PNKD: variants seen among roughly 807,000 people sequenced by gnomAD.
The protein encoded by PNKD is PNKD metallo-beta-lactamase domain containing.
In PNKD, 36 loss-of-function variants were observed where a neutral mutation model predicts 45.3. The observed-to-expected ratio is 0.80, with a 90% CI of 0.61 to 1.05. The LOEUF is 1.05. Among genes scored for constraint, PNKD ranks in the 50% least tolerant of loss-of-function variants. The pLI, the probability that PNKD is intolerant of heterozygous loss-of-function variation, is 0.00. For missense variants in PNKD, 511 were observed against 506.6 expected (o/e 1.01, Z -0.08); for synonymous variants, 197 against 210.1 (o/e 0.94, Z 0.54).
At position 218,345,242 on chromosome 2, in the gene PNKD, C is replaced by G; in HGVS notation, c.*261C>G. The G allele has an allele frequency of 2.1e-6, 1 of 473,166 alleles. No individual in the cohort carries two copies. Among genetic ancestry groups the G allele is most frequent in the South Asian group, 3.2e-5 (1 of 31,568 alleles). 29.3% of individuals were successfully genotyped at this position (473,166 alleles called of 1,614,324 possible). The stretch of plus-strand genomic sequence containing the variant: ...GAGGAAAGGAGGGGTCTCGGGACAT[C>G]TCCAGACCCTACCAACTGGGAGGGT... On this transcript the variant is annotated 3_prime_UTR_variant, in exon 10 of 10. Transcript: ENST00000273077.
At chr2:218,296,831 C>T (rs1391042613) in intron 2 of PNKD, among the ~76,000 whole-genome samples, 2 of 152,136 alleles carry the variant, frequency 1.3e-5, no homozygotes, top group African/African-American at 4.8e-5. Context: ...GCGCCCACCA[C>T]AATGCCCAGC....
intron 2 of PNKD, among the ~76,000 whole-genome samples, chr2:218,319,765 A>C (rs974579173): frequency 6.6e-6 from 1 of 152,264 alleles, no homozygotes; most frequent in Non-Finnish European, 1.5e-5. Flanking sequence ...TGTGACCATC[A>C]AAAATGTCCC....
chr2:218,333,466 T>C (rs551256885), intron 2 of PNKD, among the ~76,000 whole-genome samples: 1 of 152,300 alleles, frequency 6.6e-6, no homozygotes, highest in South Asian at 2.1e-4. Context: ...CTGGCTGAAT[T>C]TGGGAAGGAA....
At chr2:218,323,575 C>A in intron 2 of PNKD, 1 of 668,036 alleles carries the variant, frequency 1.5e-6, no homozygotes, top group Non-Finnish European at 2.2e-6. Context: ...AGGAGACGGA[C>A]TGGAGAAGCC....
rs574093604 is a variant in PNKD, at chr2:218,326,449, T to G, written c.237-13334T>G. Among the ~76,000 whole-genome samples the G allele has an allele frequency of 7.2e-4, 110 of 152,272 alleles. 1 individual carries two copies. The highest frequency in any genetic ancestry group is 1.1e-3 in the Non-Finnish European group (77 of 68,012). On this transcript the variant is annotated intron_variant, in intron 2 of 9. Coordinates refer to ENST00000273077, the MANE Select transcript of PNKD (RefSeq NM_015488.5). The surrounding 1 kb of genome is among the most constrained non-coding windows in gnomAD (Gnocchi z 4.1). ...GAACAAATCTGCTTTTGCATCCTAG[T>G]TTTGTTGCTTAGTAGCCATGTGACC...
Position 218,340,942 on chromosome 2 carries a change from G to GT in PNKD, c.524+156_524+157insT. The GT allele has an allele frequency of 1.4e-6, 1 of 703,596 alleles. No homozygotes were observed. The highest frequency in any genetic ancestry group is 2.6e-6 in the Non-Finnish European group (1 of 385,390). The allele number at this position is 703,596 out of a possible 1,614,324, so 43.6% of individuals were successfully genotyped here. On this transcript the variant is annotated intron_variant, in intron 5 of 9. Transcript: ENST00000273077. This position sits in a 1 kb window ranked among gnomAD's most constrained non-coding sequence, Gnocchi z 4.2. The stretch of plus-strand genomic sequence containing the variant: ...CACCTGGACACCAGCAGGGAGGGAG[G>GT]AGAGGGGACAGTCTCCCACCACTCC...
chr2:218,307,197 G>A (rs1385437439), intron 2 of PNKD, among the ~76,000 whole-genome samples: 2 of 152,130 alleles, frequency 1.3e-5, no homozygotes, highest in Non-Finnish European at 2.9e-5. Flanking sequence ...TGGCACCAGG[G>A]ACCAGTTTCA....
At chr2:218,325,011 T>TC (rs1009552364) in intron 2 of PNKD, among the ~76,000 whole-genome samples, 1 of 117,482 alleles carries the variant, frequency 8.5e-6, no homozygotes, top group African/African-American at 3.6e-5. Flanking sequence ...TTTTTTTTTT[T>TC]TTTTTTTTTT....
At chr2:218,278,710 C>T (rs1691526304) in intron 2 of PNKD, 2 of 895,162 alleles carry the variant, frequency 2.2e-6, no homozygotes, top group East Asian at 5.3e-5. Flanking sequence ...GAGATTACCC[C>T]CAGCCAGGGT....
At chr2:218,322,211 C>T (rs535644793) in intron 2 of PNKD, among the ~76,000 whole-genome samples, 40 of 152,172 alleles carry the variant, frequency 2.6e-4, no homozygotes, top group Non-Finnish European at 5.6e-4. Flanking sequence ...CGTGAGCCAC[C>T]GCGCCTGGCC....
At chr2:218,309,083 A>AAAAAT (rs1418166551) in intron 2 of PNKD, among the ~76,000 whole-genome samples, 1 of 151,938 alleles carries the variant, frequency 6.6e-6, no homozygotes, top group Non-Finnish European at 1.5e-5. Context: ...CTATTTAAAT[A>AAAAAT]AAAATAAAAT....
rs1395844498 is a variant in PNKD at position 218,280,153 on chromosome 2, C to G, written c.236+8604C>G. On this transcript the variant is annotated intron_variant, in intron 2 of 9. Transcript: ENST00000273077. The stretch of plus-strand genomic sequence containing the variant: ...TAGGGACAGATGACACTTGACTCAG[C>G]TGGGGACCTGAGACATGTGGCGTCA... The G allele has an allele frequency of 2.0e-6, 3 of 1,536,936 alleles. No individual in the cohort carries two copies. In the Admixed American group the frequency reaches 5.0e-5, roughly 26 times the overall value.
chr2:218,285,914 G>A (rs1195777058), intron 2 of PNKD: 1 of 154,348 alleles, frequency 6.5e-6, no homozygotes, highest in Non-Finnish European at 1.5e-5. Flanking sequence ...CTCCACTAGG[G>A]ATGAGGTTTG....
intron 2 of PNKD, chr2:218,282,125 G>GC: frequency 6.6e-7 from 1 of 1,518,442 alleles, no homozygotes. Context: ...TGGTGGTGGG[G>GC]CGCTGGGGTT....
intron 2 of PNKD, among the ~76,000 whole-genome samples, chr2:218,276,303 C>G (rs1021557690): frequency 3.3e-5 from 5 of 152,220 alleles, no homozygotes; most frequent in African/African-American, 1.2e-4. Context: ...AAACCAATCT[C>G]CAAAGCCAGT....
intron 2 of PNKD, among the ~76,000 whole-genome samples, chr2:218,292,161 G>T (rs1574668572): frequency 6.6e-6 from 1 of 152,358 alleles, no homozygotes; most frequent in Middle Eastern, 3.4e-3. Flanking sequence ...GTGCCCGAAA[G>T]AGGGAACACG....
At chr2:218,336,711 G>A (rs1694503160) in intron 2 of PNKD, among the ~76,000 whole-genome samples, 1 of 151,674 alleles carries the variant, frequency 6.6e-6, no homozygotes, top group Non-Finnish European at 1.5e-5. Context: ...AAAATCCTGG[G>A]CTCAAGCACT....
intron 2 of PNKD, among the ~76,000 whole-genome samples, chr2:218,293,655 G>A (rs569911115): frequency 7.2e-6 from 1 of 139,044 alleles, no homozygotes; most frequent in Non-Finnish European, 1.5e-5. Context: ...GCGCCATCTC[G>A]GCTCACTGCA....
intron 8 of PNKD, 124 bp downstream of exon 8, chr2:218,343,710 G>A: frequency 1.4e-6 from 1 of 732,308 alleles, no homozygotes; most frequent in Non-Finnish European, 2.4e-6. Context: ...AAGCGACACA[G>A]CTCCACCTCT....
Sources: allele counts gnomAD v4.1 joint callset (sites outside exome capture counted in the v4.1 genomes callset), GRCh38; gene constraint gnomAD v4.1.1; non-coding constraint Gnocchi (gnomAD v3.1); transcripts MANE v1.5; gene names NCBI Gene and HGNC (gene_info 2026-07-23, HGNC 2026-07-21).